Variants in ARHGAP39 observed in about 807,000 individuals in gnomAD.
ARHGAP39 encodes rho GTPase-activating protein 39.
Under a neutral mutation model 106.9 loss-of-function variants are expected in ARHGAP39, and 44 were observed. That is an observed-to-expected ratio of 0.41 (90% CI 0.32 to 0.53). ARHGAP39 has a LOEUF of 0.53. ARHGAP39 is among the 20% of genes least tolerant of loss of function. The pLI, the probability that ARHGAP39 is intolerant of heterozygous loss-of-function variation, is 0.21. For synonymous variants in ARHGAP39, 768 were observed against 693.2 expected (o/e 1.11, Z -1.69); for missense variants, 1,496 against 1,577.3 (o/e 0.95, Z 0.87).
chr8:144,698,753 C>A, the ARHGAP39 span: 1 of 451,472 alleles, frequency 2.2e-6, no homozygotes. Context: ...AGGCCTTTTC[C>A]ATGAGTGTCC....
At chr8:144,541,616 C>T (rs989939669) in intron 6 of ARHGAP39, among the ~76,000 whole-genome samples, 1 of 152,144 alleles carries the variant, frequency 6.6e-6, no homozygotes, top group African/African-American at 2.4e-5. Context: ...GAGAATCCTA[C>T]AATCTCTATC....
chr8:144,631,304 G>A (rs1821056961), intron 1 of ARHGAP39, among the ~76,000 whole-genome samples: 1 of 152,246 alleles, frequency 6.6e-6, no homozygotes, highest in African/African-American at 2.4e-5. Context: ...AGCTGCAGCA[G>A]CAGGAACGGA....
intron 1 of ARHGAP39, among the ~76,000 whole-genome samples, chr8:144,616,740 A>G (rs1563710084): frequency 2.6e-5 from 4 of 152,258 alleles, no homozygotes; most frequent in Admixed American, 6.5e-5. Flanking sequence ...CCTGGGTCCC[A>G]CGAAGGACGG....
intron 9 of ARHGAP39, among the ~76,000 whole-genome samples, chr8:144,532,742 G>T (rs1816780032): frequency 6.6e-6 from 1 of 152,196 alleles, no homozygotes; most frequent in South Asian, 2.1e-4. Flanking sequence ...GGTACCCCTT[G>T]CCCTGACAGG....
At chr8:144,544,851 G>T (rs1817341204) in intron 6 of ARHGAP39, among the ~76,000 whole-genome samples, 1 of 152,282 alleles carries the variant, frequency 6.6e-6, no homozygotes, top group African/African-American at 2.4e-5. Flanking sequence ...TCTTGCCAGG[G>T]TGGTAGCCCT....
intron 1 of ARHGAP39, among the ~76,000 whole-genome samples, chr8:144,656,641 T>C (rs1372923171): frequency 6.6e-6 from 1 of 151,854 alleles, no homozygotes; most frequent in Admixed American, 6.6e-5. Flanking sequence ...ACCCTGTCTC[T>C]ACTAAAAATA....
chr8:144,654,273 G>C (rs113531096), intron 1 of ARHGAP39, among the ~76,000 whole-genome samples: 2 of 152,264 alleles, frequency 1.3e-5, no homozygotes, highest in African/African-American at 2.4e-5. Context: ...TGGAGGCTGA[G>C]GCAAGTGGAC....
intron 1 of ARHGAP39, among the ~76,000 whole-genome samples, chr8:144,617,894 G>T (rs1012302485): frequency 6.6e-6 from 1 of 152,116 alleles, no homozygotes; most frequent in African/African-American, 2.4e-5. Flanking sequence ...TGATGCTCCA[G>T]CCTCAGTCTC....
chr8:144,616,055 G>C (rs1007470186), intron 1 of ARHGAP39, among the ~76,000 whole-genome samples: 1 of 152,238 alleles, frequency 6.6e-6, no homozygotes, highest in Non-Finnish European at 1.5e-5. Flanking sequence ...CGGAAAGGAC[G>C]GTGCTGGTTG....
At position 144,547,894 on chromosome 8, in the gene ARHGAP39, G is replaced by A. The variant is rs1349280604; in HGVS notation, c.1192C>T (p.Leu398=). The change falls in exon 5 of 12, where the codon CTG becomes TTG. Residue 398 remains leucine (L), a synonymous_variant. Transcript: ENST00000377307. This position sits in a 1 kb window ranked among gnomAD's most constrained non-coding sequence, Gnocchi z 5.2. The stretch of plus-strand genomic sequence containing the variant: ...GAGCCCGCCTGCTCCACGTAGACCA[G>A]CTGCCGCACGTACTCCTTGCCGGCG... ...SPAGKEYVRQ[L]VYVEQAGSSP... is the part of the protein sequence containing the mutation. The A allele has an allele frequency of 6.3e-7, 1 of 1,583,330 alleles. No individual in the cohort carries two copies. The highest frequency in any genetic ancestry group is 1.1e-5 in the South Asian group (1 of 87,808).
chr8:144,640,528 T>C (rs553461428), intron 1 of ARHGAP39, among the ~76,000 whole-genome samples: 3 of 152,312 alleles, frequency 2.0e-5, no homozygotes, highest in East Asian at 1.9e-4. Context: ...TCCCCAGCCA[T>C]GTGGAACTGT....
chr8:144,643,065 C>T (rs536442120), intron 1 of ARHGAP39, among the ~76,000 whole-genome samples: 53 of 152,246 alleles, frequency 3.5e-4, no homozygotes, highest in African/African-American at 1.2e-3. Flanking sequence ...GGTCTTCCTC[C>T]TCCTCAGGAA....
chr8:144,634,828 T>G (rs1300887452), intron 1 of ARHGAP39, among the ~76,000 whole-genome samples: 1 of 147,496 alleles, frequency 6.8e-6, no homozygotes, highest in Non-Finnish European at 1.5e-5. Context: ...AGGCGCAGTC[T>G]CCACTCCTGT....
intron 2 of ARHGAP39, among the ~76,000 whole-genome samples, chr8:144,602,675 CGA>C (rs1323121927): frequency 4.3e-5 from 4 of 92,544 alleles, no homozygotes; most frequent in Non-Finnish European, 8.3e-5. Flanking sequence ...GGCGTGCGTG[CGA>C]GCTCGTGTAC....
At chr8:144,628,516 T>C (rs889493425) in intron 1 of ARHGAP39, among the ~76,000 whole-genome samples, 7 of 152,040 alleles carry the variant, frequency 4.6e-5, no homozygotes, top group Admixed American at 2.0e-4. Context: ...ACAAAGCAAA[T>C]GCTGGCAGAA....
At chr8:144,557,469 C>T (rs1014906605) in intron 3 of ARHGAP39, among the ~76,000 whole-genome samples, 36 of 147,668 alleles carry the variant, frequency 2.4e-4, no homozygotes, top group African/African-American at 8.7e-4. Flanking sequence ...GCTGAACCTT[C>T]GTAGTATTCA....
At chr8:144,643,786 T>C (rs1196528871) in intron 1 of ARHGAP39, among the ~76,000 whole-genome samples, 2 of 152,212 alleles carry the variant, frequency 1.3e-5, no homozygotes, top group Non-Finnish European at 2.9e-5. Context: ...GTAACCACCA[T>C]GCCTAGCTTG....
intron 1 of ARHGAP39, 129 bp from the exon 2 acceptor site, chr8:144,605,824 C>G (rs1820270515): frequency 1.7e-6 from 1 of 592,332 alleles, no homozygotes; most frequent in East Asian, 2.9e-5. Flanking sequence ...GTGAGCCGCC[C>G]CCGGGCAGCC....
intron 1 of ARHGAP39, among the ~76,000 whole-genome samples, chr8:144,630,420 A>G (rs765458086): frequency 6.6e-6 from 1 of 152,074 alleles, no homozygotes; most frequent in Non-Finnish European, 1.5e-5. Flanking sequence ...ACGGTGGCTA[A>G]GAAGCGCCCC....
Sources: allele counts gnomAD v4.1 joint callset (sites outside exome capture counted in the v4.1 genomes callset), GRCh38; gene constraint gnomAD v4.1.1; non-coding constraint Gnocchi (gnomAD v3.1); transcripts MANE v1.5; gene names NCBI Gene and HGNC (gene_info 2026-07-23, HGNC 2026-07-21).